Variants in TAS2R1 observed in about 807,000 individuals in gnomAD.
TAS2R1 encodes the protein taste receptor type 2 member 1.
For synonymous variants in TAS2R1, 141 were observed against 134.2 expected (o/e 1.05, Z -0.35); for missense variants, 370 against 353.4 (o/e 1.05, Z -0.38).
At chr5:9,732,487 C>G in the TAS2R1 span, among the ~76,000 whole-genome samples, 1 of 152,164 alleles carries the variant, frequency 6.6e-6, no homozygotes, top group East Asian at 1.9e-4. Context: ...TTGGATAGGG[C>G]AGAGCCATGG....
At chr5:9,852,012 GAAGAA>G in the TAS2R1 span, among the ~76,000 whole-genome samples, 1 of 152,170 alleles carries the variant, frequency 6.6e-6, no homozygotes, top group Non-Finnish European at 1.5e-5. Context: ...AGAGAGAAGA[GAAGAA>G]GAGTTTAAAT....
chr5:9,703,244 T>C (rs1233136119), intron 1 of TAS2R1, among the ~76,000 whole-genome samples: 1 of 152,180 alleles, frequency 6.6e-6, no homozygotes, highest in Admixed American at 6.5e-5. Flanking sequence ...CCATGGCTTG[T>C]CACTGTCAGG....
the TAS2R1 span, among the ~76,000 whole-genome samples, chr5:9,768,796 G>T: frequency 6.6e-6 from 1 of 152,152 alleles, no homozygotes; most frequent in Non-Finnish European, 1.5e-5. Flanking sequence ...TTATGGGTAC[G>T]TAATAGGTGT....
At chr5:9,748,203 G>C in the TAS2R1 span, among the ~76,000 whole-genome samples, 1 of 152,228 alleles carries the variant, frequency 6.6e-6, no homozygotes, top group South Asian at 2.1e-4. Context: ...AGATTTTCAT[G>C]TGGTACCATC....
chr5:9,696,242 A>T (rs1188975777), intron 1 of TAS2R1, among the ~76,000 whole-genome samples: 2 of 152,186 alleles, frequency 1.3e-5, no homozygotes, highest in African/African-American at 2.4e-5. Flanking sequence ...ATGAAATCAA[A>T]ACCATAGTTA....
chr5:9,863,290 T>C, the TAS2R1 span, among the ~76,000 whole-genome samples: 25 of 141,922 alleles, frequency 1.8e-4, no homozygotes, highest in Admixed American at 5.0e-4. Flanking sequence ...TTTTTTGAGA[T>C]GGAGTCTCGC....
chr5:9,689,269 A>G (rs1741188474), intron 1 of TAS2R1, among the ~76,000 whole-genome samples: 1 of 152,132 alleles, frequency 6.6e-6, no homozygotes, highest in South Asian at 2.1e-4. Context: ...ATTTATCACT[A>G]TTGTAAAACT....
At chr5:9,815,701 C>T in the TAS2R1 span, among the ~76,000 whole-genome samples, 8 of 151,556 alleles carry the variant, frequency 5.3e-5, no homozygotes, top group African/African-American at 1.9e-4. Context: ...AAAGAAGGAA[C>T]CCTGGTAGAA....
At chr5:9,807,786 T>C in the TAS2R1 span, among the ~76,000 whole-genome samples, 3,346 of 152,146 alleles carry the variant, frequency 0.022, 45 homozygotes, top group Non-Finnish European at 0.032. Flanking sequence ...AGGTAAGAGA[T>C]AAAAGAATAG....
At chr5:9,737,458 T>C in the TAS2R1 span, among the ~76,000 whole-genome samples, 7 of 152,342 alleles carry the variant, frequency 4.6e-5, no homozygotes, top group Admixed American at 2.6e-4. Flanking sequence ...AAATCATGCA[T>C]GCTGAGTGCT....
At chr5:9,778,874 T>C in the TAS2R1 span, among the ~76,000 whole-genome samples, 2 of 152,390 alleles carry the variant, frequency 1.3e-5, no homozygotes, top group African/African-American at 4.8e-5. Context: ...TTTCTTATCA[T>C]TCGTGTGTTC....
At chr5:9,753,491 G>A in the TAS2R1 span, among the ~76,000 whole-genome samples, 1 of 152,094 alleles carries the variant, frequency 6.6e-6, no homozygotes, top group African/African-American at 2.4e-5. Context: ...CTCCCATTCT[G>A]TAGGTTGCCT....
At chr5:9,823,938 C>A in the TAS2R1 span, among the ~76,000 whole-genome samples, 1 of 152,100 alleles carries the variant, frequency 6.6e-6, no homozygotes, top group Admixed American at 6.5e-5. Flanking sequence ...TATGAGGCAC[C>A]CAGAGACAAG....
rs141001919 is a variant in TAS2R1 at position 9,683,189 on chromosome 5, A to T, written c.-241-23608T>A. Among the ~76,000 whole-genome samples, 791 of 152,046 alleles carry T rather than the reference A, an allele frequency of 5.2e-3. 6 individuals are homozygous for T. The highest frequency in any genetic ancestry group is 8.4e-3 in the Non-Finnish European group (572 of 67,980). On this transcript the variant is annotated intron_variant, in intron 1 of 2. Transcript: ENST00000506620. Reference sequence around the variant, plus strand: ...GTATAATATGTATCCTAATAATTTAATATTAATATTATGTATTATAATTGC... The same window carrying T: ...GTATAATATGTATCCTAATAATTTATTATTAATATTATGTATTATAATTGC...
chr5:9,828,101 T>C, the TAS2R1 span, among the ~76,000 whole-genome samples: 1 of 152,142 alleles, frequency 6.6e-6, no homozygotes, highest in Non-Finnish European at 1.5e-5. Context: ...CTCATACTCA[T>C]TCTTTAGGTC....
chr5:9,663,011 T>C (rs1167326477), intron 1 of TAS2R1, among the ~76,000 whole-genome samples: 1 of 152,182 alleles, frequency 6.6e-6, no homozygotes, highest in Non-Finnish European at 1.5e-5. Flanking sequence ...AAATGGTCTT[T>C]TTCTCCTTCT....
At chr5:9,674,189 C>T (rs539679880) in intron 1 of TAS2R1, among the ~76,000 whole-genome samples, 2 of 152,254 alleles carry the variant, frequency 1.3e-5, no homozygotes, top group African/African-American at 2.4e-5. Flanking sequence ...TATATGCCAG[C>T]TATGTCAGGA....
At chr5:9,863,406 G>T in the TAS2R1 span, among the ~76,000 whole-genome samples, 3 of 151,898 alleles carry the variant, frequency 2.0e-5, no homozygotes, top group African/African-American at 7.3e-5. Context: ...CGAGTAGCTG[G>T]GACGTGGGCT....
chr5:9,811,924 A>G, the TAS2R1 span, among the ~76,000 whole-genome samples: 4 of 152,094 alleles, frequency 2.6e-5, no homozygotes, highest in Admixed American at 6.5e-5. Flanking sequence ...TTTCTCAAAC[A>G]TGACACACCC....
Sources: allele counts gnomAD v4.1 joint callset (sites outside exome capture counted in the v4.1 genomes callset), GRCh38; gene constraint gnomAD v4.1.1; transcripts MANE v1.5; gene names NCBI Gene and HGNC (gene_info 2026-07-23, HGNC 2026-07-21).